DAB1: variants seen among roughly 807,000 people sequenced by gnomAD.
DAB1 encodes DAB adaptor protein 1, also known as disabled homolog 1.
In DAB1, 15 loss-of-function variants were observed where a neutral mutation model predicts 64.6. The ratio of observed to expected loss-of-function variants is 0.23; its 90% CI spans 0.16 to 0.36. The LOEUF (loss-of-function observed/expected upper bound fraction) is 0.36, where lower values mean the gene tolerates loss of function less well. Ranked by LOEUF, DAB1 falls within the 10% of genes least tolerant of loss-of-function variation. The pLI is 1.00. For synonymous variants in DAB1, 235 were observed against 251.9 expected (o/e 0.93, Z 0.64); for missense variants, 596 against 706.7 (o/e 0.84, Z 1.78).
intron 3 of DAB1, among the ~76,000 whole-genome samples, chr1:58,381,508 T>A (rs1315245393): frequency 6.6e-6 from 1 of 152,136 alleles, no homozygotes; most frequent in Non-Finnish European, 1.5e-5. Flanking sequence ...AGAATGAAAG[T>A]CAAGAACCAG....
intron 5 of DAB1, among the ~76,000 whole-genome samples, chr1:58,039,707 G>T (rs1325978165): frequency 6.6e-6 from 1 of 152,114 alleles, no homozygotes; most frequent in Non-Finnish European, 1.5e-5. Flanking sequence ...GTGTGGCCCG[G>T]TAGTGAAGAG....
At chr1:58,091,967 C>CACACACACAA (rs1553159211) in intron 5 of DAB1, among the ~76,000 whole-genome samples, 1 of 150,782 alleles carries the variant, frequency 6.6e-6, no homozygotes, top group Non-Finnish European at 1.5e-5. Flanking sequence ...CACACACACA[C>CACACACACAA]AAACTAACAT....
At chr1:57,635,669 T>G (rs1251762435) in intron 7 of DAB1, among the ~76,000 whole-genome samples, 1 of 152,184 alleles carries the variant, frequency 6.6e-6, no homozygotes, top group African/African-American at 2.4e-5. Context: ...TATAAATAAA[T>G]TACACAATAA....
At chr1:58,482,788 G>C (rs374838375) in intron 3 of DAB1, among the ~76,000 whole-genome samples, 3 of 152,116 alleles carry the variant, frequency 2.0e-5, no homozygotes, top group African/African-American at 7.2e-5. Context: ...AGATGGGAGC[G>C]TGCCTGGGGT....
At chr1:57,904,612 A>C (rs543498051) in intron 5 of DAB1, among the ~76,000 whole-genome samples, 2 of 152,334 alleles carry the variant, frequency 1.3e-5, no homozygotes, top group South Asian at 2.1e-4. Context: ...TTGGAGCAGG[A>C]GATAATTGAA....
chr1:57,528,877 G>T (rs913349063), intron 7 of DAB1, among the ~76,000 whole-genome samples: 2 of 152,012 alleles, frequency 1.3e-5, no homozygotes, highest in Non-Finnish European at 2.9e-5. Context: ...TTAAAATGGA[G>T]ACAATTTGTT....
At chr1:57,941,417 A>G (rs1036623458) in intron 5 of DAB1, among the ~76,000 whole-genome samples, 5 of 152,356 alleles carry the variant, frequency 3.3e-5, no homozygotes, top group Admixed American at 2.0e-4. Flanking sequence ...TTAAAAAGGC[A>G]TATTAATAAC....
chr1:57,403,645 A>G (rs898092932), intron 1 of DAB1, among the ~76,000 whole-genome samples: 2 of 152,160 alleles, frequency 1.3e-5, no homozygotes, highest in African/African-American at 4.8e-5. Flanking sequence ...AAAATACAGT[A>G]TCTTGAGACT....
rs1645839530 is a variant in DAB1 at position 58,498,302 on chromosome 1, A to G, written n.257+7758T>C. ...TCTCCTCTACCATTTTTGCATTCCT[A>G]TAACTTCACCCTTGATTTTACAACT... is the stretch of plus-strand genomic sequence containing the variant. On this transcript the variant is annotated intron_variant and non_coding_transcript_variant, in intron 3 of 20. Coordinates refer to the DAB1 transcript ENST00000485760. 3.3e-5 allele frequency among the ~76,000 whole-genome samples: 5 copies of G among 151,684 alleles called. No individual in the cohort carries two copies. The South Asian group carries it at 1.0e-3, about 31-fold the overall frequency.
At chr1:57,877,937 A>C in intron 1 of DAB1, among the ~76,000 whole-genome samples, 1 of 152,234 alleles carries the variant, frequency 6.6e-6, no homozygotes. Context: ...AAATATAAAG[A>C]GAAAAATAAA....
chr1:57,649,047 A>T (rs141717714), intron 7 of DAB1, among the ~76,000 whole-genome samples: 56 of 152,374 alleles, frequency 3.7e-4, no homozygotes, highest in Middle Eastern at 3.4e-3. Context: ...CAGGGTTGCC[A>T]TCATTTAAAA....
At chr1:58,506,265 A>C in intron 2 of DAB1, 1 of 791,770 alleles carries the variant, frequency 1.3e-6, no homozygotes, top group Non-Finnish European at 2.2e-6. Flanking sequence ...GATTTTTTAA[A>C]AACTACTACT....
At chr1:57,640,593 T>C (rs1274942650) in intron 7 of DAB1, among the ~76,000 whole-genome samples, 1 of 152,152 alleles carries the variant, frequency 6.6e-6, no homozygotes, top group Non-Finnish European at 1.5e-5. Flanking sequence ...TGCACTCCCC[T>C]GAGAGCCTAT....
At chr1:57,905,058 ATTAAC>A (rs932872209) in intron 5 of DAB1, among the ~76,000 whole-genome samples, 13 of 152,258 alleles carry the variant, frequency 8.5e-5, no homozygotes, top group Admixed American at 8.5e-4. Context: ...GCTTAGGTAT[ATTAAC>A]TTATTTATTG....
chr1:58,200,372 T>A (rs1429816347), intron 4 of DAB1, among the ~76,000 whole-genome samples: 1 of 152,186 alleles, frequency 6.6e-6, no homozygotes, highest in African/African-American at 2.4e-5. Flanking sequence ...CCCACTCACC[T>A]CCTCGCTTAG....
At chr1:58,529,555 T>C (rs1646401177) in intron 1 of DAB1, among the ~76,000 whole-genome samples, 1 of 152,218 alleles carries the variant, frequency 6.6e-6, no homozygotes, top group South Asian at 2.1e-4. Flanking sequence ...AAAGCAATGA[T>C]ATTTTAACAG....
intron 7 of DAB1, among the ~76,000 whole-genome samples, chr1:57,464,953 T>C (rs140777905): frequency 1.9e-3 from 296 of 152,074 alleles, no homozygotes; most frequent in African/African-American, 6.4e-3. Flanking sequence ...AACAGCTCCA[T>C]CTCCTTTTTC....
At chr1:58,188,270 C>T (rs1466283548) in intron 4 of DAB1, among the ~76,000 whole-genome samples, 1 of 152,212 alleles carries the variant, frequency 6.6e-6, no homozygotes, top group Admixed American at 6.5e-5. Flanking sequence ...TGACAGAGAT[C>T]ATACGCGGCT....
At chr1:58,502,763 C>A (rs1645926635) in intron 3 of DAB1, among the ~76,000 whole-genome samples, 1 of 152,140 alleles carries the variant, frequency 6.6e-6, no homozygotes, top group Non-Finnish European at 1.5e-5. Context: ...TAACAATATA[C>A]CCTTGTACTA....
Sources: gnomAD v4.1 joint callset for allele counts (sites outside exome capture counted in the v4.1 genomes callset) on GRCh38, gnomAD v4.1.1 for gene constraint, MANE v1.5 for transcripts, NCBI Gene and HGNC (gene_info 2026-07-23, HGNC 2026-07-21) for gene names.